The following RFX1 variants were observed in gnomAD, a reference collection of about 807,000 sequenced individuals.
The protein encoded by RFX1 is MHC class II regulatory factor RFX1.
A neutral mutation model predicts 119.6 loss-of-function variants in RFX1; 42 were observed. That is an observed-to-expected ratio of 0.35 (90% CI 0.27 to 0.45). The LOEUF (loss-of-function observed/expected upper bound fraction) is 0.45, where lower values mean the gene tolerates loss of function less well. Ranked by LOEUF, RFX1 falls within the 20% of genes least tolerant of loss-of-function variation. The pLI is 1.00. For missense variants in RFX1, 1,118 were observed against 1,368.1 expected, an observed-to-expected ratio of 0.82 and a Z score of 2.88; for synonymous variants, 628 against 618.5, an observed-to-expected ratio of 1.02 and a Z score of -0.23.
At chr19:14,006,550 A>C (rs888376078), upstream of RFX1, 1 of 152,354 alleles carries the variant, frequency 6.6e-6, no homozygotes, top group Non-Finnish European at 1.5e-5. Flanking sequence ...GCAGGGAAGC[A>C]GCTGGTTAAG....
chr19:14,001,964 T>G (rs1429134712), intron 1 of RFX1, among the ~76,000 whole-genome samples: 2 of 152,174 alleles, frequency 1.3e-5, no homozygotes, highest in Non-Finnish European at 2.9e-5. Context: ...GGTGAAACCC[T>G]GTCTCTACTA....
At chr19:13,983,660 C>T in intron 2 of RFX1, 65 bp from the exon 3 acceptor site, 1 of 1,370,836 alleles carries the variant, frequency 7.3e-7, no homozygotes, top group Non-Finnish European at 1.0e-6. Context: ...AGCCTGAGCC[C>T]CCCTGGAGGG....
chr19:13,995,960 A>C (rs915564789), intron 1 of RFX1, among the ~76,000 whole-genome samples: 2 of 151,702 alleles, frequency 1.3e-5, no homozygotes, highest in Non-Finnish European at 1.5e-5. Context: ...CCCAGGAGGC[A>C]GAGGTTGCAG....
chr19:13,988,641 T>A (rs1233911823), intron 2 of RFX1, among the ~76,000 whole-genome samples: 1 of 152,056 alleles, frequency 6.6e-6, no homozygotes, highest in Non-Finnish European at 1.5e-5. Flanking sequence ...CCTCAGTCAT[T>A]CCACAGAGAC....
chr19:13,994,648 G>A (rs1428452564), intron 1 of RFX1, among the ~76,000 whole-genome samples: 1 of 151,358 alleles, frequency 6.6e-6, no homozygotes, highest in East Asian at 1.9e-4. Context: ...CTGGGAGGCG[G>A]AGGTGGCAGT....
At position 13,979,529 on chromosome 19, in the gene RFX1, T is replaced by A; in HGVS notation, c.752A>T (p.Gln251Leu). 1 of 1,593,240 alleles carries A rather than the reference T, an allele frequency of 6.3e-7. No homozygotes were observed. Among genetic ancestry groups the A allele is most frequent in the South Asian group, 1.1e-5 (1 of 88,792 alleles). Reference protein sequence around the residue: ...VPVTQERSVVQATPQAPKPGP... With the variant: ...VPVTQERSVVLATPQAPKPGP... ...GGGTTTGGGCGCTTGTGGAGTGGCC[T>A]GGACCACAGATCTCTGGGAGGGGAA... is the stretch of plus-strand genomic sequence containing the variant. Residue 251 changes from glutamine (Q) to leucine (L), a missense_variant, in exon 7 of 21, where the codon CAG becomes CTG. Gln to Leu is a moderately radical substitution (Grantham distance 113, BLOSUM62 -2). Around this residue, in one of 5 missense-constraint regions of RFX1, gnomAD observed 542 missense variants for 602.7 expected, o/e 0.90. Coordinates refer to ENST00000254325, the MANE Select transcript of RFX1 (RefSeq NM_002918.5).
At chr19:13,976,936 C>T (rs1360604253) in intron 8 of RFX1, among the ~76,000 whole-genome samples, 5 of 151,586 alleles carry the variant, frequency 3.3e-5, no homozygotes, top group Non-Finnish European at 7.4e-5. Flanking sequence ...CCGTGAGCTG[C>T]AGTGAGCCCT....
Position 13,963,577 on chromosome 19 carries a change from T to C in RFX1, c.2531A>G (p.Lys844Arg). The C allele has an allele frequency of 1.2e-6, 2 of 1,604,772 alleles. No individual in the cohort carries two copies. Among genetic ancestry groups the C allele is most frequent in the Non-Finnish European group, 1.7e-6 (2 of 1,179,300 alleles). ...KPYQGSAGFP[K>R]AAKLFLLKWS... is the part of the protein sequence containing the mutation. Reference sequence around the variant, plus strand: ...CTTGAGGAGGAAGAGCTTGGCGGCCTTGGGGAAGCCGGCGCTGCCCTGGTA... The same window carrying C: ...CTTGAGGAGGAAGAGCTTGGCGGCCCTGGGGAAGCCGGCGCTGCCCTGGTA... Residue 844 changes from lysine (K) to arginine (R), a missense_variant, in exon 18 of 21, where the codon AAG (lysine) becomes AGG (arginine). Lys to Arg is a conservative substitution (Grantham distance 26). Coordinates refer to ENST00000254325, the MANE Select transcript of RFX1 (RefSeq NM_002918.5).
At chr19:14,002,225 G>T (rs1975240336) in intron 1 of RFX1, among the ~76,000 whole-genome samples, 1 of 150,872 alleles carries the variant, frequency 6.6e-6, no homozygotes, top group South Asian at 2.1e-4. Context: ...TGAGGCAAGA[G>T]AACTGCTTGA....
In RFX1 at chr19:14,006,195, G is replaced by A. The variant is rs1975372751; in HGVS notation, c.-145C>T. ...GGACGGGACGTGCTGGGGTCCCCGG[G>A]CCGGGCCTGGGGGGTGGGGGTGGGG... is the stretch of plus-strand genomic sequence containing the variant. On this transcript the variant is annotated 5_prime_UTR_variant, in exon 1 of 21. Coordinates refer to ENST00000254325, the MANE Select transcript of RFX1 (RefSeq NM_002918.5). 6.6e-6 allele frequency: 1 copy of A among 152,336 alleles called. No individual in the cohort carries two copies. Among genetic ancestry groups the A allele is most frequent in the Non-Finnish European group, 1.5e-5 (1 of 68,066 alleles). The allele number at this position is 152,336 out of a possible 1,614,324, so 9.4% of individuals were successfully genotyped here.
chr19:13,997,012 C>A (rs561964901), intron 1 of RFX1, among the ~76,000 whole-genome samples: 7 of 152,308 alleles, frequency 4.6e-5, no homozygotes, highest in Non-Finnish European at 1.0e-4. Context: ...GCGTGAGCCA[C>A]CGCGCCCAAC....
At chr19:13,987,361 G>A (rs1974636269) in intron 2 of RFX1, among the ~76,000 whole-genome samples, 1 of 152,128 alleles carries the variant, frequency 6.6e-6, no homozygotes, top group African/African-American at 2.4e-5. Flanking sequence ...GCAGGGACCG[G>A]GGCTGGGTGA....
In RFX1 at chr19:13,974,109, C is replaced by T. The variant is rs55829000; in HGVS notation, c.930-982G>A. Among the ~76,000 whole-genome samples, 454 of 152,256 alleles carry T rather than the reference C, an allele frequency of 3.0e-3. 5 individuals are homozygous for T. The highest frequency in any genetic ancestry group is 0.01 in the African/African-American group (426 of 41,532). On this transcript the variant is annotated intron_variant, in intron 8 of 20. Coordinates refer to ENST00000254325, the MANE Select transcript of RFX1 (RefSeq NM_002918.5). ...GACAAGAATGAAAAGCCCCGGCCCC[C>T]GGAACCGTCTAGTTGGGGAGACAGG... is the stretch of plus-strand genomic sequence containing the variant.
At chr19:13,964,100 C>G in intron 16 of RFX1, 93 bp from the exon 17 acceptor site, 1 of 1,328,254 alleles carries the variant, frequency 7.5e-7, no homozygotes, top group Non-Finnish European at 1.0e-6. Flanking sequence ...AAGCCTGTTT[C>G]CTTTTTCCTA....
At chr19:14,003,555 C>T (rs1421911130) in intron 1 of RFX1, among the ~76,000 whole-genome samples, 1 of 152,182 alleles carries the variant, frequency 6.6e-6, no homozygotes, top group Non-Finnish European at 1.5e-5. Context: ...ACAGCAGAGG[C>T]TAACATAACT....
At chr19:13,996,341 C>T (rs989760658) in intron 1 of RFX1, among the ~76,000 whole-genome samples, 7 of 152,224 alleles carry the variant, frequency 4.6e-5, no homozygotes, top group African/African-American at 7.2e-5. Context: ...GCCATGACTC[C>T]GGGCAGTACT....
intron 8 of RFX1, among the ~76,000 whole-genome samples, chr19:13,974,932 T>C (rs1974208319): frequency 1.3e-5 from 2 of 148,816 alleles, no homozygotes; most frequent in Non-Finnish European, 3.0e-5. Context: ...TAGTCCCAGC[T>C]ACTCAGGAGG....
chr19:13,976,373 T>A (rs1002769826), intron 8 of RFX1, among the ~76,000 whole-genome samples: 1 of 152,148 alleles, frequency 6.6e-6, no homozygotes, highest in African/African-American at 2.4e-5. Context: ...CAACAGTAAC[T>A]CTAGTACTGC....
rs543612113 is a variant in RFX1, at chr19:14,000,053, G to T, written c.-53+6050C>A. ...CAAGGCCCTCCCAAAGATATAGAAA[G>T]AAAACTCACTCTCTTCATCTATAGA... On this transcript the variant is annotated intron_variant, in intron 1 of 20. Transcript: ENST00000254325. Among the ~76,000 whole-genome samples, 7 of 152,252 alleles carry T rather than the reference G, an allele frequency of 4.6e-5. 1 individual carries two copies. The South Asian group carries it at 1.5e-3, about 32-fold the overall frequency.
Sources: gnomAD v4.1 joint callset for allele counts (sites outside exome capture counted in the v4.1 genomes callset) on GRCh38, gnomAD v4.1.1 for gene constraint, gnomAD v4.1.1 regional missense constraint, MANE v1.5 for transcripts, NCBI Gene and HGNC (gene_info 2026-07-23, HGNC 2026-07-21) for gene names.